Variants in AMZ1 observed in about 807,000 individuals in gnomAD.
AMZ1 encodes the protein archaelysin family metallopeptidase 1.
A neutral mutation model predicts 29.9 loss-of-function variants in AMZ1; 39 were observed. The ratio of observed to expected loss-of-function variants is 1.30; its 90% CI spans 1.01 to 1.70. AMZ1 has a LOEUF of 1.70. Ranked by LOEUF, AMZ1 falls within the 40% of genes most tolerant of loss-of-function variation. AMZ1 has a pLI of 0.00. For synonymous variants in AMZ1, 458 were observed against 304.0 expected, an observed-to-expected ratio of 1.51 and a Z score of -5.27; for missense variants, 1,041 against 680.6, an observed-to-expected ratio of 1.53 and a Z score of -5.89.
In AMZ1 at chr7:2,717,191, A is replaced by AC. The variant is rs902739538; in HGVS notation, c.*4318dup. Reference sequence around the variant, plus strand: ...TCTTAGGTGAGGTGCCAACGAAAACACCCCCGTGATTGCTGGGGCTTCACT... The same window carrying AC: ...TCTTAGGTGAGGTGCCAACGAAAACACCCCCCGTGATTGCTGGGGCTTCACT... On this transcript the variant is annotated 3_prime_UTR_variant, in exon 7 of 7. Transcript: ENST00000683327. 6.6e-6 allele frequency among the ~76,000 whole-genome samples: 1 copy of AC among 151,824 alleles called. No homozygotes were observed. The highest frequency in any genetic ancestry group is 1.5e-5 in the Non-Finnish European group (1 of 67,964).
At chr7:2,704,187 C>T (rs1424586098) in intron 3 of AMZ1, among the ~76,000 whole-genome samples, 1 of 152,208 alleles carries the variant, frequency 6.6e-6, no homozygotes, top group Non-Finnish European at 1.5e-5. Flanking sequence ...CTGTGCCTGG[C>T]CTCATCTAAG....
At chr7:2,737,289 G>GTTTTTTTTTTTTTTTTTT (rs11389467) in intron 4 of AMZ1, among the ~76,000 whole-genome samples, 27 of 62,306 alleles carry the variant, frequency 4.3e-4, no homozygotes, top group East Asian at 1.3e-3. Context: ...TTTTTTTTTT[G>GTTTTTTTTTTTTTTTTTT]TTTTTTTTTT....
rs79635037 is a variant in AMZ1, at chr7:2,756,259, A to G, written n.551-8453A>G. 5.3e-3 allele frequency among the ~76,000 whole-genome samples: 810 copies of G among 152,332 alleles called. 7 individuals are homozygous for G. The highest frequency in any genetic ancestry group is 0.018 in the African/African-American group (765 of 41,568). ...TGGTGATCTGCACATAACTTAAAAA[A>G]AACTCTCATTTGGAGGATCAGAAAA... On this transcript the variant is annotated intron_variant and non_coding_transcript_variant, in intron 4 of 4. Coordinates refer to the AMZ1 transcript ENST00000489665.
At chr7:2,690,391 A>G (rs1787316919) in intron 1 of AMZ1, among the ~76,000 whole-genome samples, 2 of 152,116 alleles carry the variant, frequency 1.3e-5, no homozygotes, top group Admixed American at 6.5e-5. Context: ...GCTAATTTTT[A>G]AAATGTTTTG....
At position 2,713,050 on chromosome 7, in the gene AMZ1, C is replaced by A; in HGVS notation, c.*172C>A. 4.8e-6 allele frequency: 3 copies of A among 621,706 alleles called. No individual in the cohort carries two copies. Among genetic ancestry groups the A allele is most frequent in the Non-Finnish European group, 4.9e-6 (2 of 408,482 alleles). 38.5% of individuals were successfully genotyped at this position (621,706 alleles called of 1,614,324 possible). ...GCCAGGAGTTTGAGACCAGACTGGG[C>A]AACATGGTGAGACTCTGCCTCTACA... On this transcript the variant is annotated 3_prime_UTR_variant, in exon 7 of 7. Coordinates refer to ENST00000683327, the MANE Select transcript of AMZ1 (RefSeq NM_001384743.1).
chr7:2,718,881 G>C lies in AMZ1; in HGVS notation c.*6003G>C, dbSNP rs757642386. ...AAACCACGGGAAACGGAGTGGGTTG[G>C]AAGAGGCAGAGAACACGCTTTTCTC... On this transcript the variant is annotated 3_prime_UTR_variant, in exon 7 of 7. Transcript: ENST00000683327. Among the ~76,000 whole-genome samples, 23 of 152,206 alleles carry C rather than the reference G, an allele frequency of 1.5e-4. No homozygotes were observed. Among genetic ancestry groups the C allele is most frequent in the Non-Finnish European group, 2.5e-4 (17 of 68,036 alleles).
intron 4 of AMZ1, among the ~76,000 whole-genome samples, chr7:2,737,205 C>A (rs915341286): frequency 6.6e-6 from 1 of 150,782 alleles, no homozygotes; most frequent in Admixed American, 6.6e-5. Flanking sequence ...ACTTCCAGCT[C>A]CTGGCCAGAG....
chr7:2,700,108 CCTCT>C (rs1314234425), intron 1 of AMZ1, 122 bp from the exon 2 acceptor site: 6 of 301,938 alleles, frequency 2.0e-5, no homozygotes, highest in Admixed American at 1.8e-4. Flanking sequence ...GCCAGGGCTC[CCTCT>C]GACACCCTCG....
Position 2,692,519 on chromosome 7 carries a change from G to C in AMZ1, c.-219+4223G>C, listed in dbSNP as rs567726597. Among the ~76,000 whole-genome samples the C allele has an allele frequency of 2.1e-4, 32 of 152,310 alleles. 1 individual carries two copies. Among genetic ancestry groups the C allele is most frequent in the African/African-American group, 7.5e-4 (31 of 41,560 alleles). Reference sequence around the variant, plus strand: ...ATTGTGCCACTGCACTCCAGCCTGGGTGATAGAGTGAGGCTCCATCTCAAA... The same window carrying C: ...ATTGTGCCACTGCACTCCAGCCTGGCTGATAGAGTGAGGCTCCATCTCAAA... On this transcript the variant is annotated intron_variant, in intron 1 of 6. Coordinates refer to ENST00000683327, the MANE Select transcript of AMZ1 (RefSeq NM_001384743.1).
At chr7:2,748,800 A>C (rs1007186285) in intron 4 of AMZ1, among the ~76,000 whole-genome samples, 154 of 152,140 alleles carry the variant, frequency 1.0e-3, no homozygotes, top group African/African-American at 3.4e-3. Context: ...CAATGAACTC[A>C]AACAAATTTA....
Position 2,731,574 on chromosome 7 carries a change from C to T in AMZ1, n.550+21758C>T, listed in dbSNP as rs566672345. 5.6e-6 allele frequency: 9 copies of T among 1,612,778 alleles called. No individual in the cohort carries two copies. The South Asian group carries it at 7.7e-5, about 14-fold the overall frequency. On this transcript the variant is annotated intron_variant and non_coding_transcript_variant, in intron 4 of 4. Transcript: ENST00000489665. The surrounding 1 kb of genome is among the most constrained non-coding windows in gnomAD (Gnocchi z 6.0). ...CCTGGTCGTACTCGCTGGAGGAGAC[C>T]ATGAACAGGATGGACGTGATCCCGT...
At chr7:2,738,919 G>C (rs1452950459) in intron 4 of AMZ1, among the ~76,000 whole-genome samples, 1 of 152,196 alleles carries the variant, frequency 6.6e-6, no homozygotes, top group Non-Finnish European at 1.5e-5. Flanking sequence ...CCCTTGCCCT[G>C]TGTGTAGCCT....
intron 3 of AMZ1, 46 bp downstream of exon 3, chr7:2,702,935 C>CT: frequency 6.5e-7 from 1 of 1,529,666 alleles, no homozygotes; most frequent in Non-Finnish European, 8.7e-7. Flanking sequence ...CAGGCCCCTT[C>CT]TGGAAGGAAG....
intron 4 of AMZ1, among the ~76,000 whole-genome samples, chr7:2,756,173 A>T (rs1791284090): frequency 6.6e-6 from 1 of 152,236 alleles, no homozygotes; most frequent in Non-Finnish European, 1.5e-5. Context: ...ATTTATAAAA[A>T]ATTGACAAGG....
Position 2,717,390 on chromosome 7 carries a change from G to C in AMZ1, c.*4512G>C, listed in dbSNP as rs755007312. Among the ~76,000 whole-genome samples, 1 of 152,196 alleles carries C rather than the reference G, an allele frequency of 6.6e-6. No individual in the cohort carries two copies. The highest frequency in any genetic ancestry group is 1.5e-5 in the Non-Finnish European group (1 of 68,044). On this transcript the variant is annotated 3_prime_UTR_variant, in exon 7 of 7. Coordinates refer to ENST00000683327, the MANE Select transcript of AMZ1 (RefSeq NM_001384743.1). ...CCTCTAAGCTGGCTTTGCAGCTCCA[G>C]TAAGAGTGAGAGACTCACGGGGGCC... is the stretch of plus-strand genomic sequence containing the variant.
At chr7:2,720,468 A>T (rs978371569), downstream of AMZ1, among the ~76,000 whole-genome samples, 14 of 151,452 alleles carry the variant, frequency 9.2e-5, no homozygotes, top group African/African-American at 3.4e-4. Context: ...CAGTGGTGCG[A>T]TCTTGGCTCA....
intron 2 of AMZ1, among the ~76,000 whole-genome samples, chr7:2,701,162 C>A (rs898178781): frequency 6.6e-6 from 1 of 151,980 alleles, no homozygotes; most frequent in African/African-American, 2.4e-5. Context: ...ACCTGGGAGA[C>A]AGAGGTTGCA....
upstream of AMZ1, among the ~76,000 whole-genome samples, chr7:2,683,943 C>T (rs940377332): frequency 6.6e-6 from 1 of 151,844 alleles, no homozygotes; most frequent in Non-Finnish European, 1.5e-5. Context: ...TTTGGGAGGC[C>T]GAGGCGGGTG....
At chr7:2,762,482 C>T (rs1227320574), upstream of AMZ1, 17 of 709,264 alleles carry the variant, frequency 2.4e-5, no homozygotes, top group African/African-American at 5.6e-5. Context: ...CACCCGTGTG[C>T]GGGGCCTGAG....
Sources: allele counts gnomAD v4.1 joint callset (sites outside exome capture counted in the v4.1 genomes callset), GRCh38; gene constraint gnomAD v4.1.1; non-coding constraint Gnocchi (gnomAD v3.1); transcripts MANE v1.5; gene names NCBI Gene and HGNC (gene_info 2026-07-23, HGNC 2026-07-21).